Variants in ANKRD6 observed in about 807,000 individuals in gnomAD.
ANKRD6 encodes the protein ankyrin repeat domain 6, also known as ankyrin repeat domain-containing protein 6.
In ANKRD6, 56 loss-of-function variants were observed where a neutral mutation model predicts 82.3. The ratio of observed to expected loss-of-function variants is 0.68; its 90% CI spans 0.55 to 0.85. The LOEUF is 0.85. Among genes scored for constraint, ANKRD6 ranks in the 40% least tolerant of loss-of-function variants. ANKRD6 has a pLI of 0.00. For missense variants in ANKRD6, 852 were observed against 907.6 expected (o/e 0.94, Z 0.79); for synonymous variants, 347 against 352.1 (o/e 0.99, Z 0.16).
intron 1 of ANKRD6, among the ~76,000 whole-genome samples, chr6:89,518,140 C>A (rs371114876): frequency 6.6e-6 from 1 of 152,084 alleles, no homozygotes; most frequent in African/African-American, 2.4e-5. Flanking sequence ...TGGTGGCTCA[C>A]GCCTGTGATC....
chr6:89,580,338 C>T (rs1432385618), intron 2 of ANKRD6, among the ~76,000 whole-genome samples: 1 of 151,902 alleles, frequency 6.6e-6, no homozygotes, highest in Non-Finnish European at 1.5e-5. Context: ...GTTGTCTCCC[C>T]ATGCTGGTAA....
At chr6:89,542,088 A>G (rs1450686287) in intron 1 of ANKRD6, among the ~76,000 whole-genome samples, 2 of 151,748 alleles carry the variant, frequency 1.3e-5, no homozygotes, top group Non-Finnish European at 2.9e-5. Context: ...TTTTTATTGT[A>G]TTTATCAATA....
chr6:89,471,939 C>CAAAAAAA (rs749607605), intron 1 of ANKRD6, among the ~76,000 whole-genome samples: 10 of 52,536 alleles, frequency 1.9e-4, no homozygotes, highest in Admixed American at 2.6e-4. Context: ...AACTCCATCT[C>CAAAAAAA]AAAAAAAAAA....
At chr6:89,575,050 A>C (rs773294823) in intron 2 of ANKRD6, among the ~76,000 whole-genome samples, 19 of 152,322 alleles carry the variant, frequency 1.2e-4, no homozygotes, top group Middle Eastern at 6.8e-3. Flanking sequence ...TGCTGATTGC[A>C]TGGGAAACCC....
At chr6:89,436,071 C>T (rs1380813844) in intron 1 of ANKRD6, among the ~76,000 whole-genome samples, 2 of 152,052 alleles carry the variant, frequency 1.3e-5, no homozygotes, top group African/African-American at 2.4e-5. Context: ...TTCACAATTC[C>T]CTTAGGTTTC....
chr6:89,555,040 T>C (rs1382256106), intron 1 of ANKRD6, among the ~76,000 whole-genome samples: 4 of 58,298 alleles, frequency 6.9e-5, no homozygotes, highest in Non-Finnish European at 1.0e-4. Flanking sequence ...CCTCCCCGCT[T>C]TCTCTCCATC....
chr6:89,433,694 A>G lies in ANKRD6; in HGVS notation c.-144+319A>G, dbSNP rs1382500372. Among the ~76,000 whole-genome samples, 2 of 151,856 alleles carry G rather than the reference A, an allele frequency of 1.3e-5. No homozygotes were observed. Among genetic ancestry groups the G allele is most frequent in the Non-Finnish European group, 2.9e-5 (2 of 67,932 alleles). On this transcript the variant is annotated intron_variant, in intron 1 of 15. Coordinates refer to ENST00000339746, the MANE Select transcript of ANKRD6 (RefSeq NM_001242809.2). The surrounding 1 kb of genome is among the most constrained non-coding windows in gnomAD (Gnocchi z 4.3). ...GTCCCTCGTTCTCCTGCTCGCTTGC[A>G]GTTTGAAGGAAGGGCGGTGGGGGCG...
chr6:89,566,135 A>T (rs1331905769), intron 1 of ANKRD6, among the ~76,000 whole-genome samples: 1 of 152,234 alleles, frequency 6.6e-6, no homozygotes, highest in Non-Finnish European at 1.5e-5. Flanking sequence ...GTTAGCAAGG[A>T]AGCAACATGA....
chr6:89,607,268 GA>G (rs577460155), intron 5 of ANKRD6, among the ~76,000 whole-genome samples: 44 of 151,030 alleles, frequency 2.9e-4, no homozygotes, highest in Admixed American at 1.1e-3. Flanking sequence ...ATATGGAAAA[GA>G]AAAAAATAAG....
chr6:89,613,694 GA>G (rs1197931317), intron 6 of ANKRD6, 97 bp from the exon 7 acceptor site: 48 of 1,084,042 alleles, frequency 4.4e-5, no homozygotes, highest in Non-Finnish European at 6.1e-5. Context: ...AAGAGTACAT[GA>G]TAGTCTGCTA....
intron 2 of ANKRD6, 73 bp from the exon 3 acceptor site, chr6:89,595,843 C>T (rs1036056799): frequency 2.4e-6 from 3 of 1,258,328 alleles, no homozygotes; most frequent in African/African-American, 3.0e-5. Context: ...AAACCTTGCT[C>T]TAGGCCCTCT....
rs534609951 is a variant in ANKRD6, at chr6:89,470,456, C to G, written c.-144+37081C>G. On this transcript the variant is annotated intron_variant, in intron 1 of 15. Transcript: ENST00000339746. The stretch of plus-strand genomic sequence containing the variant: ...CAACATAGCGAGACTCTTGTCTCTA[C>G]AAAAAATTTAAAAAGTTAGCCAGGC... 3.3e-5 allele frequency among the ~76,000 whole-genome samples: 5 copies of G among 152,188 alleles called. No homozygotes were observed. In the South Asian group the frequency reaches 1.0e-3, roughly 32 times the overall value.
intron 1 of ANKRD6, among the ~76,000 whole-genome samples, chr6:89,559,057 C>A (rs983469488): frequency 6.6e-6 from 1 of 152,108 alleles, no homozygotes; most frequent in African/African-American, 2.4e-5. Context: ...ACAAGTAGAA[C>A]AAAAATATGA....
At chr6:89,485,176 G>A (rs1300991788) in intron 1 of ANKRD6, among the ~76,000 whole-genome samples, 1 of 152,144 alleles carries the variant, frequency 6.6e-6, no homozygotes, top group Admixed American at 6.5e-5. Context: ...GATTACTTAG[G>A]TTTTTCCTGC....
chr6:89,512,157 G>C (rs1007126383), intron 1 of ANKRD6, among the ~76,000 whole-genome samples: 1 of 152,100 alleles, frequency 6.6e-6, no homozygotes, highest in Non-Finnish European at 1.5e-5. Context: ...CAGTTACAAG[G>C]TCATATGATA....
intron 1 of ANKRD6, among the ~76,000 whole-genome samples, chr6:89,467,693 A>G (rs1183816159): frequency 6.6e-6 from 1 of 152,232 alleles, no homozygotes; most frequent in African/African-American, 2.4e-5. Flanking sequence ...AGACTGCAGC[A>G]GTTCCAAAAG....
At chr6:89,620,880 A>G (rs76383471) in intron 9 of ANKRD6, among the ~76,000 whole-genome samples, 8,498 of 152,172 alleles carry the variant, frequency 0.056, 281 homozygotes, top group South Asian at 0.15. Flanking sequence ...CCTGGCTAGC[A>G]CGGTGAAACC....
chr6:89,614,262 T>C (rs1431901401), intron 7 of ANKRD6, among the ~76,000 whole-genome samples: 1 of 152,114 alleles, frequency 6.6e-6, no homozygotes, highest in African/African-American at 2.4e-5. Context: ...CCCAGTACTT[T>C]GGGAAGCCAA....
intron 1 of ANKRD6, among the ~76,000 whole-genome samples, chr6:89,480,490 A>T (rs1776654874): frequency 6.6e-6 from 1 of 151,936 alleles, no homozygotes; most frequent in Non-Finnish European, 1.5e-5. Context: ...TCACTTAACA[A>T]AGTAATAAAC....
Sources: gnomAD v4.1 joint callset for allele counts (sites outside exome capture counted in the v4.1 genomes callset) on GRCh38, gnomAD v4.1.1 for gene constraint, Gnocchi (gnomAD v3.1) non-coding constraint, MANE v1.5 for transcripts, NCBI Gene and HGNC (gene_info 2026-07-23, HGNC 2026-07-21) for gene names.